The following CNTN1 variants were observed in gnomAD, a reference collection of about 807,000 sequenced individuals.
The protein encoded by CNTN1 is contactin 1.
A neutral mutation model predicts 126.4 loss-of-function variants in CNTN1; 38 were observed. The ratio of observed to expected loss-of-function variants is 0.30; its 90% CI spans 0.23 to 0.39. CNTN1 has a LOEUF of 0.39. Ranked by LOEUF, CNTN1 falls within the 10% of genes least tolerant of loss-of-function variation. The pLI is 1.00. For missense variants in CNTN1, 1,009 were observed against 1,248.4 expected (o/e 0.81, Z 2.89); for synonymous variants, 413 against 422.6 (o/e 0.98, Z 0.28).
chr12:40,877,946 T>G (rs943039611), intron 1 of CNTN1, among the ~76,000 whole-genome samples: 2 of 151,488 alleles, frequency 1.3e-5, no homozygotes, highest in African/African-American at 4.8e-5. Context: ...CCCATCCTGC[T>G]ATCTTCACCT....
chr12:40,791,755 A>C (rs1940229028), intron 1 of CNTN1, among the ~76,000 whole-genome samples: 4 of 152,266 alleles, frequency 2.6e-5, no homozygotes, highest in Admixed American at 2.6e-4. Context: ...AATGGTCTCC[A>C]AAAATATACT....
At chr12:41,050,046 C>T (rs550964029) in intron 23 of CNTN1, among the ~76,000 whole-genome samples, 1 of 152,080 alleles carries the variant, frequency 6.6e-6, no homozygotes, top group Non-Finnish European at 1.5e-5. Flanking sequence ...ATTACAGGTG[C>T]ATGCCACTAG....
intron 21 of CNTN1, 142 bp from the exon 22 acceptor site, chr12:41,027,715 A>G: frequency 1.4e-6 from 1 of 696,530 alleles, no homozygotes; most frequent in Non-Finnish European, 2.6e-6. Flanking sequence ...TGCTTAGCAT[A>G]GTGCCTGGCA....
At chr12:40,822,747 T>G (rs1294319542) in intron 1 of CNTN1, among the ~76,000 whole-genome samples, 1 of 152,204 alleles carries the variant, frequency 6.6e-6, no homozygotes, top group East Asian at 1.9e-4. Context: ...ATCTTCTTTT[T>G]TCTTCCAAAT....
chr12:40,770,377 A>G (rs1029150840), intron 1 of CNTN1, among the ~76,000 whole-genome samples: 9 of 152,170 alleles, frequency 5.9e-5, no homozygotes, highest in African/African-American at 1.7e-4. Context: ...GCCAACTTAG[A>G]TGCAATATTA....
At chr12:40,706,034 G>T (rs1565624010) in intron 1 of CNTN1, among the ~76,000 whole-genome samples, 1 of 151,814 alleles carries the variant, frequency 6.6e-6, no homozygotes, top group African/African-American at 2.4e-5. Context: ...CCAACATTGG[G>T]TATTAAGATT....
At chr12:40,731,800 A>G (rs189631406) in intron 1 of CNTN1, among the ~76,000 whole-genome samples, 1 of 152,120 alleles carries the variant, frequency 6.6e-6, no homozygotes, top group Non-Finnish European at 1.5e-5. Context: ...CAAACCTAAT[A>G]AATACACACA....
chr12:41,006,886 A>G (rs965787898), intron 17 of CNTN1, among the ~76,000 whole-genome samples: 1 of 152,210 alleles, frequency 6.6e-6, no homozygotes, highest in African/African-American at 2.4e-5. Flanking sequence ...GGAACAAACA[A>G]TGAATACTTT....
chr12:40,764,332 G>A (rs776309855), intron 1 of CNTN1, among the ~76,000 whole-genome samples: 6 of 152,122 alleles, frequency 3.9e-5, no homozygotes, highest in Non-Finnish European at 5.9e-5. Flanking sequence ...CAACTCCAGT[G>A]AAACAAAAGG....
intron 1 of CNTN1, among the ~76,000 whole-genome samples, chr12:40,733,396 C>T (rs959070781): frequency 6.6e-6 from 1 of 151,028 alleles, no homozygotes; most frequent in Non-Finnish European, 1.5e-5. Flanking sequence ...AAAATATATT[C>T]AGTGGCAAAA....
chr12:40,784,496 ACT>A (rs1939930388), intron 1 of CNTN1, among the ~76,000 whole-genome samples: 2 of 151,970 alleles, frequency 1.3e-5, no homozygotes, highest in Admixed American at 1.3e-4. Context: ...TAAATGAAAA[ACT>A]CTAAAATGTG....
chr12:40,991,345 C>T (rs1344989062), intron 16 of CNTN1, among the ~76,000 whole-genome samples: 1 of 151,562 alleles, frequency 6.6e-6, no homozygotes, highest in Admixed American at 6.6e-5. Flanking sequence ...ATAATCCTAC[C>T]CTAAGATTCT....
At chr12:40,696,178 T>C (rs1941447607) in intron 1 of CNTN1, among the ~76,000 whole-genome samples, 1 of 152,230 alleles carries the variant, frequency 6.6e-6, no homozygotes, top group South Asian at 2.1e-4. Flanking sequence ...GTAGCAATTG[T>C]AATGCACAAG....
chr12:40,821,587 T>C (rs1941442696), intron 1 of CNTN1, among the ~76,000 whole-genome samples: 1 of 152,174 alleles, frequency 6.6e-6, no homozygotes, highest in Non-Finnish European at 1.5e-5. Context: ...TGATTTGGTA[T>C]ATGGATATTT....
intron 12 of CNTN1, among the ~76,000 whole-genome samples, chr12:40,940,194 G>C (rs534254720): frequency 5.9e-5 from 9 of 151,968 alleles, no homozygotes; most frequent in Admixed American, 5.9e-4. Flanking sequence ...ATGTGAGGGT[G>C]TATGTGAGGG....
chr12:41,051,198 A>AGT (rs886256584), intron 23 of CNTN1, among the ~76,000 whole-genome samples: 3 of 132,454 alleles, frequency 2.3e-5, no homozygotes, highest in African/African-American at 9.2e-5. Flanking sequence ...CCCAGGCTGG[A>AGT]GTGCAGTGGT....
chr12:41,062,492 G>A (rs12833053), intron 23 of CNTN1, among the ~76,000 whole-genome samples: 5,339 of 152,092 alleles, frequency 0.035, 124 homozygotes, highest in Middle Eastern at 0.11. Flanking sequence ...TAGACAGGAT[G>A]GAAACCTGGA....
intron 3 of CNTN1, among the ~76,000 whole-genome samples, chr12:40,911,858 C>T (rs1191440993): frequency 1.3e-5 from 2 of 152,186 alleles, no homozygotes; most frequent in Admixed American, 6.5e-5. Context: ...GTAATGGCAT[C>T]ACTCCCTGTC....
intron 1 of CNTN1, 135 bp downstream of exon 1, chr12:40,692,727 G>C (rs1941331744): frequency 6.5e-6 from 1 of 154,008 alleles, no homozygotes; most frequent in African/African-American, 2.4e-5. Context: ...CTCTCGCCGT[G>C]CGGCGCGGGA....
Sources: allele counts gnomAD v4.1 joint callset (sites outside exome capture counted in the v4.1 genomes callset), GRCh38; gene constraint gnomAD v4.1.1; transcripts MANE v1.5; gene names NCBI Gene and HGNC (gene_info 2026-07-23, HGNC 2026-07-21).